CTU2: variants seen among roughly 807,000 people sequenced by gnomAD.
CTU2 encodes cytoplasmic tRNA 2-thiolation protein 2.
A neutral mutation model predicts 64.1 loss-of-function variants in CTU2; 80 were observed. The ratio of observed to expected loss-of-function variants is 1.25; its 90% CI spans 1.04 to 1.50. The LOEUF (loss-of-function observed/expected upper bound fraction) is 1.50. CTU2 is among the 40% of genes most tolerant of loss of function. The pLI is 0.00. For missense variants in CTU2, 1,110 were observed against 690.2 expected, an observed-to-expected ratio of 1.61 and a Z score of -6.81; for synonymous variants, 482 against 285.3, an observed-to-expected ratio of 1.69 and a Z score of -6.95.
chr16:88,711,880 T>G (rs1911349518), intron 5 of CTU2, among the ~76,000 whole-genome samples, 185 bp downstream of exon 5: 1 of 152,174 alleles, frequency 6.6e-6, no homozygotes, highest in Admixed American at 6.5e-5. Flanking sequence ...AGCAGATGTA[T>G]CCATCGTTAG....
rs776912579 is a variant in CTU2, at chr16:88,714,424, C to T, written c.1139C>T (p.Ala380Val). The T allele has an allele frequency of 6.2e-6, 10 of 1,612,434 alleles. No individual in the cohort carries two copies. The African/African-American group carries it at 9.3e-5, about 15-fold the overall frequency. ...KLVKGPRDGP[A>V]AGDSGPRCLL... ...GTGAAGGGCCCCCGGGATGGCCCTG[C>T]TGCTGGCGACTCCGGCCCCCGCTGC... Residue 380 changes from alanine to valine, a missense_variant, in exon 11 of 15, where the codon GCT (alanine) becomes GTT (valine). Ala to Val is a moderately conservative substitution (Grantham distance 64, BLOSUM62 0). Transcript: ENST00000453996.
Position 88,713,084 on chromosome 16 carries a change from C to CCT in CTU2, c.737+179_737+180insCT, listed in dbSNP as rs71158750. On this transcript the variant is annotated intron_variant, in intron 7 of 14. Transcript: ENST00000453996. ...CCGGGCCCTGACCCCCACTCATGCC[C>CCT]GAGAGCCCCCTTCCCCGGGCCCTGA... Among the ~76,000 whole-genome samples, 33 of 7,218 alleles carry CCT rather than the reference C, an allele frequency of 4.6e-3. 7 individuals are homozygous for CCT. The highest frequency in any genetic ancestry group is 5.0e-3 in the African/African-American group (10 of 1,986). The allele number at this position is 7,218 out of a possible 152,430, so 4.7% of individuals were successfully genotyped here.
chr16:88,711,742 G>A (rs536543928), intron 5 of CTU2, 47 bp downstream of exon 5: 1 of 1,558,140 alleles, frequency 6.4e-7, no homozygotes, highest in African/African-American at 1.4e-5. Context: ...CTTGGGGTAA[G>A]CCCTGCGGAT....
Position 88,714,933 on chromosome 16 carries a change from AC to A in CTU2, c.1419+8del, listed in dbSNP as rs1911806944. The A allele has an allele frequency of 4.3e-6, 7 of 1,612,596 alleles. No individual in the cohort carries two copies. The highest frequency in any genetic ancestry group is 5.9e-6 in the Non-Finnish European group (7 of 1,179,838). ...CGTGAACATGAAGGACTTGGTGAGT[AC>A]GTGCCCACCTGTCCTGGGCCGGGCT... is the stretch of plus-strand genomic sequence containing the variant. On this transcript the variant is annotated splice_region_variant and intron_variant, in intron 13 of 14. Transcript: ENST00000453996.
chr16:88,710,218 C>T lies in CTU2; in HGVS notation c.223-5C>T. The T allele has an allele frequency of 1.2e-6, 2 of 1,614,038 alleles. No individual in the cohort carries two copies. The highest frequency in any genetic ancestry group is 1.7e-6 in the Non-Finnish European group (2 of 1,179,980). On this transcript the variant is annotated splice_polypyrimidine_tract_variant and splice_region_variant and intron_variant, in intron 3 of 14. Transcript: ENST00000453996. ...GTGCCCTGAGTGATGTTTTTTCTCC[C>T]CCAGGTGCTCTTGGCGTGGTCTGGG... is the stretch of plus-strand genomic sequence containing the variant.
Position 88,714,749 on chromosome 16 carries a change from T to TCCCTGC in CTU2, c.1352+14_1352+19dup, listed in dbSNP as rs1430673940. Reference sequence around the variant, plus strand: ...GGGGCCTGCAGGAGGTGAGTCCCTGTCCCTGCCACCCATGGCCAGCTGCAT... The same window carrying TCCCTGC: ...GGGGCCTGCAGGAGGTGAGTCCCTGTCCCTGCCCCTGCCACCCATGGCCAGCTGCAT... On this transcript the variant is annotated intron_variant, in intron 12 of 14. Coordinates refer to ENST00000453996, the MANE Select transcript of CTU2 (RefSeq NM_001012759.3). The TCCCTGC allele has an allele frequency of 8.7e-6, 14 of 1,605,998 alleles. No individual in the cohort carries two copies. The highest frequency in any genetic ancestry group is 3.3e-5 in the South Asian group (3 of 90,576).
chr16:88,712,858 C>G lies in CTU2; in HGVS notation c.690C>G (p.Cys230Trp). 1.9e-6 allele frequency: 3 copies of G among 1,564,618 alleles called. No individual in the cohort carries two copies. Among genetic ancestry groups the G allele is most frequent in the Non-Finnish European group, 2.6e-6 (3 of 1,156,006 alleles). Residue 230 changes from cysteine to tryptophan, a missense_variant, in exon 7 of 15, where the codon TGC becomes TGG. Transcript: ENST00000453996. Reference protein sequence around the residue: ...AQTEALSQLFCSVRTLTAKEE... With the variant: ...AQTEALSQLFWSVRTLTAKEE... ...CTGAGGCTCTTTCCCAACTGTTCTG[C>G]TCAGTGAGGACACTGACTGCCAAGG...
intron 9 of CTU2, 41 bp downstream of exon 9, chr16:88,713,819 C>G: frequency 1.9e-6 from 3 of 1,609,624 alleles, no homozygotes; most frequent in South Asian, 1.1e-5. Flanking sequence ...ACCATTGACA[C>G]CGGGGTGGGC....
chr16:88,712,473 C>A, intron 6 of CTU2, 90 bp downstream of exon 6: 1 of 1,454,876 alleles, frequency 6.9e-7, no homozygotes, highest in Non-Finnish European at 9.3e-7. Flanking sequence ...CTCCCTCATC[C>A]CAGAAGGCGG....
chr16:88,710,359 A>T, intron 4 of CTU2, 77 bp downstream of exon 4: 1 of 1,511,688 alleles, frequency 6.6e-7, no homozygotes, highest in South Asian at 1.1e-5. Context: ...CAGCCTGCTG[A>T]GGGGCTCTTG....
In CTU2 at chr16:88,709,438, G is replaced by A. The variant is rs114514936; in HGVS notation, c.144-500G>A. 967 of 155,064 alleles carry A rather than the reference G, an allele frequency of 6.2e-3. 9 individuals carry two copies. The highest frequency in any genetic ancestry group is 0.018 in the African/African-American group (744 of 41,580). The allele number at this position is 155,064 out of a possible 1,614,324, so 9.6% of individuals were successfully genotyped here. ...TGGGGCCCCAGGATACTGAGCCCTC[G>A]CTGTGGCCCACCCCATTTCCGCACT... On this transcript the variant is annotated intron_variant, in intron 2 of 14. Coordinates refer to ENST00000453996, the MANE Select transcript of CTU2 (RefSeq NM_001012759.3).
rs369427791 is a variant in CTU2 at position 88,710,286 on chromosome 16, C to T, written c.282+4C>T. 108 of 1,613,878 alleles carry T rather than the reference C, an allele frequency of 6.7e-5. No individual in the cohort carries two copies. Among genetic ancestry groups the T allele is most frequent in the Admixed American group, 1.8e-4 (11 of 60,022 alleles). On this transcript the variant is annotated splice_donor_region_variant and intron_variant, in intron 4 of 14. Coordinates refer to ENST00000453996, the MANE Select transcript of CTU2 (RefSeq NM_001012759.3). ...CATGGTCTGGCAGGTTCTTGAGGTGCGTGTTCACCACCCCGTGGGCCCGGG... is the reference window on the plus strand; with the variant it reads ...CATGGTCTGGCAGGTTCTTGAGGTGTGTGTTCACCACCCCGTGGGCCCGGG...
chr16:88,706,558 G>T lies in CTU2; in HGVS notation c.28G>T (p.Glu10Ter). The change falls in exon 1 of 15, where the codon GAG (glutamate) becomes TAG (stop). Residue 10 changes from glutamate to a stop codon, truncating the protein, a stop_gained. Transcript: ENST00000453996. LOFTEE classifies it high-confidence loss of function. MCQVGEDYG[E>*]PAPEEPPPAP... ...GTGTCAGGTGGGCGAGGACTACGGGGAGCCGGCGCCTGAGGAGCCGCCCCC... is the reference window on the plus strand; with the variant it reads ...GTGTCAGGTGGGCGAGGACTACGGGTAGCCGGCGCCTGAGGAGCCGCCCCC... The T allele has an allele frequency of 3.4e-6, 5 of 1,459,278 alleles. No homozygotes were observed. Among genetic ancestry groups the T allele is most frequent in the Non-Finnish European group, 3.6e-6 (4 of 1,112,594 alleles). 90.4% of individuals were successfully genotyped at this position (1,459,278 alleles called of 1,614,324 possible). A position where few individuals can be genotyped will look rare whatever the true frequency, so the allele number is the denominator to read the frequency against.
chr16:88,710,877 C>G (rs1911266876), intron 4 of CTU2: 1 of 156,148 alleles, frequency 6.4e-6, no homozygotes, highest in Non-Finnish European at 1.4e-5. Flanking sequence ...AGGCTGCACA[C>G]AGGGCTCGGC....
At chr16:88,710,539 GTGT>G (rs1180078496) in intron 4 of CTU2, 26 of 521,600 alleles carry the variant, frequency 5.0e-5, no homozygotes, top group African/African-American at 4.4e-4. Flanking sequence ...CACAGCGCGT[GTGT>G]GCGGCCCACT....
rs761779544 is a variant in CTU2, at chr16:88,714,933, A to G, written c.1419+7A>G. ...CGTGAACATGAAGGACTTGGTGAGT[A>G]CGTGCCCACCTGTCCTGGGCCGGGC... On this transcript the variant is annotated splice_region_variant and intron_variant, in intron 13 of 14. Transcript: ENST00000453996. The G allele has an allele frequency of 6.2e-7, 1 of 1,612,596 alleles. No homozygotes were observed.
chr16:88,712,592 G>C (rs1167282858), intron 6 of CTU2, 30 bp from the exon 7 acceptor site: 3 of 1,600,000 alleles, frequency 1.9e-6, no homozygotes, highest in Non-Finnish European at 1.7e-6. Context: ...CGTGTCCCGG[G>C]CCTCACTGGC....
At position 88,714,998 on chromosome 16, in the gene CTU2, A is replaced by T. The variant is rs1204849451; in HGVS notation, c.1420-50A>T. 3 of 1,595,824 alleles carry T rather than the reference A, an allele frequency of 1.9e-6. No homozygotes were observed. The Middle Eastern group carries it at 5.0e-4, about 266-fold the overall frequency. On this transcript the variant is annotated intron_variant, in intron 13 of 14. Coordinates refer to ENST00000453996, the MANE Select transcript of CTU2 (RefSeq NM_001012759.3). ...AGGCCGTCACCTCGTGGGTGGCTTG[A>T]GGGGGTGCTGGCAGGTTTCTTGGCC...
rs531374262 is a variant in CTU2 at position 88,713,330 on chromosome 16, C to T, written c.756C>T (p.His252=). The change falls in exon 8 of 15, where the codon CAC becomes CAT. Residue 252 remains histidine, a synonymous_variant. Coordinates refer to ENST00000453996, the MANE Select transcript of CTU2 (RefSeq NM_001012759.3). ...LQTLRTHLIL[H]MARAHGYSKV... ...GCTTTAGGACCCACCTGATCCTCCA[C>T]ATGGCCCGAGCCCACGGCTACTCCA... 2.4e-5 allele frequency: 38 copies of T among 1,599,714 alleles called. 1 individual carries two copies. The East Asian group carries it at 4.0e-4, about 17-fold the overall frequency.
Sources: allele counts gnomAD v4.1 joint callset (sites outside exome capture counted in the v4.1 genomes callset), GRCh38; gene constraint gnomAD v4.1.1; transcripts MANE v1.5; gene names NCBI Gene and HGNC (gene_info 2026-07-23, HGNC 2026-07-21).